Variants in MUC20 observed in about 807,000 individuals in gnomAD.
MUC20 encodes the protein mucin-20.
In MUC20, 14 loss-of-function variants were observed where a neutral mutation model predicts 23.8. That is an observed-to-expected ratio of 0.59 (90% CI 0.39 to 0.92). MUC20 has a LOEUF of 0.92. MUC20 is among the 40% of genes least tolerant of loss of function. MUC20 has a pLI of 0.00. For synonymous variants in MUC20, 166 were observed against 279.3 expected (o/e 0.59, Z 4.04); for missense variants, 375 against 668.8 (o/e 0.56, Z 4.85).
chr3:195,727,642 T>G (rs1712837626), intron 2 of MUC20, among the ~76,000 whole-genome samples: 1 of 152,292 alleles, frequency 6.6e-6, no homozygotes, highest in Non-Finnish European at 1.5e-5. Flanking sequence ...CATAAAGATA[T>G]TATTGAATAT....
Position 195,726,185 on chromosome 3 carries a change from A to G in MUC20, c.1582A>G (p.Asn528Asp). Residue 528 changes from asparagine (N) to aspartate (D), a missense_variant, in exon 2 of 4, where the codon AAT (asparagine) becomes GAT (aspartate). Around this residue, in one of 4 missense-constraint regions of MUC20, gnomAD observed 343 missense variants for 340.2 expected, o/e 1.01. Coordinates refer to ENST00000447234, the MANE Select transcript of MUC20 (RefSeq NM_001282506.2). ...LSGALVTVSRNPLEETSALSV... is the reference protein window; with the variant it reads ...LSGALVTVSRDPLEETSALSV... ...TGGAGCTCTGGTCACAGTTAGCAGGAATCCCCTTGAAGAAACCTCAGCCCT... is the reference window on the plus strand; with the variant it reads ...TGGAGCTCTGGTCACAGTTAGCAGGGATCCCCTTGAAGAAACCTCAGCCCT... The G allele has an allele frequency of 6.2e-7, 1 of 1,608,906 alleles. No homozygotes were observed. The highest frequency in any genetic ancestry group is 1.3e-5 in the African/African-American group (1 of 74,936).
At chr3:195,733,046 G>T in intron 3 of MUC20, 104 bp from the exon 4 acceptor site, 1 of 1,284,596 alleles carries the variant, frequency 7.8e-7, no homozygotes, top group South Asian at 1.3e-5. Context: ...AAGGGTTGCC[G>T]TCCTCCGCAT....
In MUC20 at chr3:195,733,400, C is replaced by T. The variant is rs1181626851; in HGVS notation, c.*182C>T. 28 of 1,454,434 alleles carry T rather than the reference C, an allele frequency of 1.9e-5. No homozygotes were observed. The highest frequency in any genetic ancestry group is 2.5e-5 in the Non-Finnish European group (28 of 1,105,606). The allele number at this position is 1,454,434 out of a possible 1,614,324, so 90.1% of individuals were successfully genotyped here. ...GTGGCAACAGGACCCTCGCTCACATCCACCGGAGTGTATGTGTGGGGAGGG... is the reference window on the plus strand; with the variant it reads ...GTGGCAACAGGACCCTCGCTCACATTCACCGGAGTGTATGTGTGGGGAGGG... On this transcript the variant is annotated 3_prime_UTR_variant, in exon 4 of 4. Coordinates refer to ENST00000447234, the MANE Select transcript of MUC20 (RefSeq NM_001282506.2).
At position 195,726,298 on chromosome 3, in the gene MUC20, C is replaced by A. The variant is rs779963793; in HGVS notation, c.1695C>A (p.Ser565=). 1 of 1,614,066 alleles carries A rather than the reference C, an allele frequency of 6.2e-7. No individual in the cohort carries two copies. Among genetic ancestry groups the A allele is most frequent in the Non-Finnish European group, 8.5e-7 (1 of 1,179,900 alleles). ...GGTCAGCAGTGGGCAAAACAACTTC[C>A]TTTGCTGGGAGCTCTGCTTCCTCCT... is the stretch of plus-strand genomic sequence containing the variant. ...EAGSAVGKTT[S]FAGSSASSYS... Residue 565 remains serine (S), a synonymous_variant, in exon 2 of 4, where the codon TCC becomes TCA. Transcript: ENST00000447234.
chr3:195,728,286 T>C (rs1712928132), intron 2 of MUC20, among the ~76,000 whole-genome samples: 1 of 152,410 alleles, frequency 6.6e-6, no homozygotes, highest in Non-Finnish European at 1.5e-5. Context: ...TTATTGATTA[T>C]TATTTTCATT....
intron 2 of MUC20, among the ~76,000 whole-genome samples, chr3:195,728,496 C>T (rs918841831): frequency 5.3e-5 from 8 of 152,276 alleles, no homozygotes; most frequent in Non-Finnish European, 7.3e-5. Context: ...AGCATTGCTG[C>T]AAACATGTCT....
In MUC20 at chr3:195,726,397, G is replaced by A. The variant is rs754135416; in HGVS notation, c.1794G>A (p.Gly598=). 3.7e-6 allele frequency: 6 copies of A among 1,613,912 alleles called. No individual in the cohort carries two copies. Among genetic ancestry groups the A allele is most frequent in the African/African-American group, 1.3e-5 (1 of 74,948 alleles). ...ETPTMDIATK[G]PFPTSRDPLP... ...CGACCATGGACATCGCAACCAAGGG[G>A]CCCTTCCCCACCAGCAGGGACCCTC... Residue 598 remains glycine, a synonymous_variant, in exon 2 of 4, where the codon GGG becomes GGA. Transcript: ENST00000447234.
In MUC20 at chr3:195,726,044, C is replaced by G; in HGVS notation, c.1441C>G (p.Leu481Val). The change falls in exon 2 of 4, where the codon CTG becomes GTG. Residue 481 changes from leucine (L) to valine (V), a missense_variant. By Grantham distance (32) the Leu-to-Val change is conservative. Around this residue, in one of 4 missense-constraint regions of MUC20, gnomAD observed 343 missense variants for 340.2 expected, o/e 1.01. Transcript: ENST00000447234. ...ITEVTASAETLSTAGTTESAA... is the reference protein window; with the variant it reads ...ITEVTASAETVSTAGTTESAA... ...TGAGGTCACAGCCTCTGCCGAGACC[C>G]TGTCCACAGCCGGCACCACAGAGTC... is the stretch of plus-strand genomic sequence containing the variant. The G allele has an allele frequency of 3.1e-6, 5 of 1,613,990 alleles. No homozygotes were observed. Among genetic ancestry groups the G allele is most frequent in the Non-Finnish European group, 4.2e-6 (5 of 1,179,864 alleles).
In MUC20 at chr3:195,733,351, A is replaced by G; in HGVS notation, c.*133A>G. 1 of 1,504,180 alleles carries G rather than the reference A, an allele frequency of 6.6e-7. No individual in the cohort carries two copies. The highest frequency in any genetic ancestry group is 8.9e-7 in the Non-Finnish European group (1 of 1,123,548). 93.2% of individuals were successfully genotyped at this position (1,504,180 alleles called of 1,614,324 possible). On this transcript the variant is annotated 3_prime_UTR_variant, in exon 4 of 4. Coordinates refer to ENST00000447234, the MANE Select transcript of MUC20 (RefSeq NM_001282506.2). ...CCAGAAGGTTCCCATGAAGGGCAGC[A>G]TGTCCAAGCCCCTGACCCCAGATGT...
In MUC20 at chr3:195,726,334, G is replaced by A. The variant is rs9870815; in HGVS notation, c.1731G>A (p.Ser577=). The A allele has an allele frequency of 0.098, 148,363 of 1,516,464 alleles. 2 individuals are homozygous for A. Among genetic ancestry groups the A allele is most frequent in the South Asian group, 0.19 (16,340 of 85,780 alleles). 93.9% of individuals were successfully genotyped at this position (1,516,464 alleles called of 1,614,324 possible). A position where few individuals can be genotyped will look rare whatever the true frequency, so the allele number is the denominator to read the frequency against. The part of the protein sequence containing the change: ...AGSSASSYSP[S]EAALKNFTPS... ...GCTCTGCTTCCTCCTACAGCCCCTC[G>A]GAAGCCGCCCTCAAGAACTTCACCC... The change falls in exon 2 of 4, where the codon TCG becomes TCA. Residue 577 remains serine (S), a synonymous_variant. Transcript: ENST00000447234.
chr3:195,728,767 A>C (rs2641736), intron 2 of MUC20, among the ~76,000 whole-genome samples: 130,955 of 151,964 alleles, frequency 0.86, 55,419 homozygotes, highest in African/African-American at 0.97. Flanking sequence ...TTGGACAATA[A>C]CCTGCTTTCA....
chr3:195,726,664 C>A, intron 2 of MUC20, 92 bp downstream of exon 2: 7 of 1,420,604 alleles, frequency 4.9e-6, no homozygotes, highest in Non-Finnish European at 6.7e-6. Context: ...AGGGAAGGAT[C>A]TGGAGCCTAC....
chr3:195,733,394 T>G lies in MUC20; in HGVS notation c.*176T>G. The G allele has an allele frequency of 1.4e-6, 2 of 1,460,174 alleles. No homozygotes were observed. Among genetic ancestry groups the G allele is most frequent in the Non-Finnish European group, 1.8e-6 (2 of 1,107,526 alleles). 90.5% of individuals were successfully genotyped at this position (1,460,174 alleles called of 1,614,324 possible). On this transcript the variant is annotated 3_prime_UTR_variant, in exon 4 of 4. Transcript: ENST00000447234. ...CCAGATGTGGCAACAGGACCCTCGCTCACATCCACCGGAGTGTATGTGTGG... is the reference window on the plus strand; with the variant it reads ...CCAGATGTGGCAACAGGACCCTCGCGCACATCCACCGGAGTGTATGTGTGG...
At chr3:195,732,762 G>A (rs931470705) in intron 3 of MUC20, among the ~76,000 whole-genome samples, 2 of 152,236 alleles carry the variant, frequency 1.3e-5, no homozygotes, top group Admixed American at 6.5e-5. Context: ...CAGCTGAGGC[G>A]CAGGCACCAG....
chr3:195,721,837 G>C (rs1169080422), intron 1 of MUC20: 1 of 152,922 alleles, frequency 6.5e-6, no homozygotes, highest in African/African-American at 2.4e-5. Flanking sequence ...AGACCAGCCT[G>C]ACCAACATGG....
rs768993180 is a variant in MUC20 at position 195,726,170 on chromosome 3, G to A, written c.1567G>A (p.Val523Ile). 67 of 1,608,776 alleles carry A rather than the reference G, an allele frequency of 4.2e-5. 1 individual carries two copies. The South Asian group carries it at 7.3e-4, about 17-fold the overall frequency. Residue 523 changes from valine (V) to isoleucine (I), a missense_variant, in exon 2 of 4, where the codon GTC becomes ATC. Val to Ile is a conservative substitution (Grantham distance 29). Coordinates refer to ENST00000447234, the MANE Select transcript of MUC20 (RefSeq NM_001282506.2). ...PGATTLSGAL[V>I]TVSRNPLEET... ...GGCCACGACCCTCAGTGGAGCTCTG[G>A]TCACAGTTAGCAGGAATCCCCTTGA...
intron 2 of MUC20, among the ~76,000 whole-genome samples, chr3:195,728,721 C>T (rs577640518): frequency 1.5e-5 from 2 of 129,882 alleles, no homozygotes; most frequent in South Asian, 2.5e-4. Context: ...TGTCATCCCA[C>T]AAGGCCATAT....
At chr3:195,726,647 G>A (rs1712717306) in intron 2 of MUC20, 75 bp downstream of exon 2, 1 of 1,496,248 alleles carries the variant, frequency 6.7e-7, no homozygotes, top group Admixed American at 1.9e-5. Flanking sequence ...CTTGAGGAGT[G>A]GAGAGGAGGG....
At chr3:195,727,721 G>A (rs917646278) in intron 2 of MUC20, among the ~76,000 whole-genome samples, 5 of 152,286 alleles carry the variant, frequency 3.3e-5, no homozygotes, top group Non-Finnish European at 5.9e-5. Flanking sequence ...CCAGCAGAAC[G>A]TTCTCTCCGG....
Sources: gnomAD v4.1 joint callset for allele counts (sites outside exome capture counted in the v4.1 genomes callset) on GRCh38, gnomAD v4.1.1 for gene constraint, gnomAD v4.1.1 regional missense constraint, MANE v1.5 for transcripts, NCBI Gene and HGNC (gene_info 2026-07-23, HGNC 2026-07-21) for gene names.